The following CCDC158 variants were observed in gnomAD, a reference collection of about 807,000 sequenced individuals.
CCDC158 encodes the protein coiled-coil domain-containing protein 158.
In CCDC158, 116 loss-of-function variants were observed where a neutral mutation model predicts 138.6. That is an observed-to-expected ratio of 0.84 (90% CI 0.72 to 0.98). The LOEUF (loss-of-function observed/expected upper bound fraction) is 0.98. Among genes scored for constraint, CCDC158 ranks in the 50% least tolerant of loss-of-function variants. The pLI, the probability that CCDC158 is intolerant of heterozygous loss-of-function variation, is 0.00. For synonymous variants in CCDC158, 436 were observed against 442.4 expected, an observed-to-expected ratio of 0.99 and a Z score of 0.18; for missense variants, 1,265 against 1,306.1, an observed-to-expected ratio of 0.97 and a Z score of 0.48.
At chr4:76,370,862 G>C (rs1725166374) in intron 10 of CCDC158, among the ~76,000 whole-genome samples, 1 of 152,148 alleles carries the variant, frequency 6.6e-6, no homozygotes. Flanking sequence ...GGCTTTACCA[G>C]CAAAGAGCAC....
At chr4:76,344,572 T>C (rs1050557505) in intron 18 of CCDC158, 3 of 1,147,244 alleles carry the variant, frequency 2.6e-6, no homozygotes, top group Non-Finnish European at 2.6e-6. Context: ...TCTCTGGACC[T>C]GAATGTTGAT....
intron 9 of CCDC158, among the ~76,000 whole-genome samples, chr4:76,373,187 A>G (rs758817934): frequency 1.3e-5 from 2 of 152,202 alleles, no homozygotes; most frequent in Non-Finnish European, 2.9e-5. Context: ...GTATGCTAAG[A>G]GGCTAGGATC....
At chr4:76,398,953 T>C (rs1244068578) in intron 3 of CCDC158, among the ~76,000 whole-genome samples, 2 of 152,146 alleles carry the variant, frequency 1.3e-5, no homozygotes, top group Non-Finnish European at 2.9e-5. Flanking sequence ...CCTAAGACTT[T>C]TTGGGAGGAC....
intron 18 of CCDC158, chr4:76,345,460 T>C (rs1036850783): frequency 1.1e-6 from 1 of 936,902 alleles, no homozygotes; most frequent in Non-Finnish European, 1.8e-6. Flanking sequence ...GAAGAACTGA[T>C]AAATTTCAAA....
chr4:76,344,954 G>A, intron 18 of CCDC158: 2 of 1,503,070 alleles, frequency 1.3e-6, no homozygotes, highest in African/African-American at 1.4e-5. Flanking sequence ...GGTGAAAAGT[G>A]CTGAAGAAGT....
chr4:76,376,574 T>C (rs1310733241), intron 9 of CCDC158, among the ~76,000 whole-genome samples: 3 of 152,162 alleles, frequency 2.0e-5, no homozygotes, highest in East Asian at 1.9e-4. Flanking sequence ...ATTCAATTCA[T>C]TATAACAAAA....
At position 76,384,422 on chromosome 4, in the gene CCDC158, A is replaced by T; in HGVS notation, c.399-7T>A. On this transcript the variant is annotated splice_polypyrimidine_tract_variant and splice_region_variant and intron_variant, in intron 5 of 24. Transcript: ENST00000682701. Reference sequence around the variant, plus strand: ...GGACTGACTCTCCCTTCGTCTATGAAATAAATGAAAGAAAATAAATAACAT... The same window carrying T: ...GGACTGACTCTCCCTTCGTCTATGATATAAATGAAAGAAAATAAATAACAT... The T allele has an allele frequency of 6.3e-7, 1 of 1,599,004 alleles. No homozygotes were observed. Among genetic ancestry groups the T allele is most frequent in the Non-Finnish European group, 8.5e-7 (1 of 1,171,612 alleles).
Position 76,351,741 on chromosome 4 carries a change from A to G in CCDC158, c.2517T>C (p.Leu839=). The change falls in exon 17 of 25, where the codon CTT becomes CTC. Residue 839 remains leucine (L), a synonymous_variant. Transcript: ENST00000682701. Reference sequence around the variant, plus strand: ...TTACTTTTATATCCAAAGTGTGTTGAAGTTTTAAGCGCACTGATTCTTGCT... The same window carrying G: ...TTACTTTTATATCCAAAGTGTGTTGGAGTTTTAAGCGCACTGATTCTTGCT... ...RQEQESVRLK[L]QHTLDIKELQ... 1 of 1,611,808 alleles carries G rather than the reference A, an allele frequency of 6.2e-7. No individual in the cohort carries two copies. The highest frequency in any genetic ancestry group is 1.1e-5 in the South Asian group (1 of 90,962).
At chr4:76,343,276 A>G (rs1264937317) in intron 18 of CCDC158, among the ~76,000 whole-genome samples, 1 of 152,166 alleles carries the variant, frequency 6.6e-6, no homozygotes, top group East Asian at 1.9e-4. Flanking sequence ...CCTATAGAAA[A>G]TTTTTGGGTC....
At chr4:76,388,185 G>T (rs938560067) in intron 4 of CCDC158, among the ~76,000 whole-genome samples, 1 of 152,188 alleles carries the variant, frequency 6.6e-6, no homozygotes, top group East Asian at 1.9e-4. Context: ...CCTTCTGTTT[G>T]AGAAAAGCAG....
At position 76,350,979 on chromosome 4, in the gene CCDC158, T is replaced by C. The variant is rs752537227; in HGVS notation, c.2664+17A>G. 1 of 1,611,594 alleles carries C rather than the reference T, an allele frequency of 6.2e-7. No individual in the cohort carries two copies. The highest frequency in any genetic ancestry group is 1.1e-5 in the South Asian group (1 of 90,530). On this transcript the variant is annotated intron_variant, in intron 18 of 24. Transcript: ENST00000682701. Reference sequence around the variant, plus strand: ...CATATGTCATTTGCGTAATGGATCATAAGACTGGTTACTTACATGAGACAG... The same window carrying C: ...CATATGTCATTTGCGTAATGGATCACAAGACTGGTTACTTACATGAGACAG...
chr4:76,335,495 T>C (rs926340956), intron 18 of CCDC158, among the ~76,000 whole-genome samples: 17 of 152,324 alleles, frequency 1.1e-4, no homozygotes, highest in African/African-American at 2.6e-4. Context: ...CCCATAAACA[T>C]ATATAAATAT....
At chr4:76,334,293 C>T in intron 18 of CCDC158, 126 bp from the exon 19 acceptor site, 2 of 788,100 alleles carry the variant, frequency 2.5e-6, no homozygotes, top group East Asian at 2.6e-5. Context: ...AAAAAAATCA[C>T]CCACAAGCTT....
chr4:76,387,056 C>G (rs1355135199), intron 4 of CCDC158, among the ~76,000 whole-genome samples: 1 of 152,176 alleles, frequency 6.6e-6, no homozygotes, highest in African/African-American at 2.4e-5. Context: ...AGCCAGTAAA[C>G]TAGGGTGGCA....
At chr4:76,403,410 A>T (rs1454682623) in intron 2 of CCDC158, 130 bp from the exon 3 acceptor site, 2 of 422,440 alleles carry the variant, frequency 4.7e-6, no homozygotes, top group Non-Finnish European at 8.3e-6. Context: ...AATTATTTAT[A>T]CAGAAATACA....
intron 2 of CCDC158, chr4:76,407,163 T>TA (rs953995535): frequency 8.5e-5 from 13 of 152,214 alleles, no homozygotes; most frequent in Middle Eastern, 3.4e-3. Context: ...TCTAAAAATT[T>TA]AAAAAAACCC....
chr4:76,328,996 A>G, intron 21 of CCDC158, 29 bp from the exon 22 acceptor site: 1 of 1,555,298 alleles, frequency 6.4e-7, no homozygotes, highest in South Asian at 1.1e-5. Flanking sequence ...TAATGCAAGC[A>G]TTCCATTTCA....
chr4:76,399,913 A>G (rs1728189036), intron 3 of CCDC158, among the ~76,000 whole-genome samples: 1 of 152,172 alleles, frequency 6.6e-6, no homozygotes, highest in African/African-American at 2.4e-5. Context: ...GTGAATTAAG[A>G]AGCTGACTCT....
At chr4:76,368,436 G>A (rs1245609699) in intron 11 of CCDC158, among the ~76,000 whole-genome samples, 1 of 152,160 alleles carries the variant, frequency 6.6e-6, no homozygotes, top group African/African-American at 2.4e-5. Context: ...TTCTTGCCCA[G>A]GTTAAGCCAG....
Sources: allele counts gnomAD v4.1 joint callset (sites outside exome capture counted in the v4.1 genomes callset), GRCh38; gene constraint gnomAD v4.1.1; transcripts MANE v1.5; gene names NCBI Gene and HGNC (gene_info 2026-07-23, HGNC 2026-07-21).